Variants in NBAS observed in about 807,000 individuals in gnomAD.
NBAS encodes the protein NBAS subunit of NRZ tethering complex.
In NBAS, 219 loss-of-function variants were observed where a neutral mutation model predicts 302.5. The observed-to-expected ratio is 0.72, with a 90% CI of 0.65 to 0.81. NBAS has a LOEUF of 0.81. Among genes scored for constraint, NBAS ranks in the 30% least tolerant of loss-of-function variants. The pLI, the probability that NBAS is intolerant of heterozygous loss-of-function variation, is 0.00. For synonymous variants in NBAS, 1,118 were observed against 1,021.6 expected, an observed-to-expected ratio of 1.09 and a Z score of -1.80; for missense variants, 2,932 against 2,841.6, an observed-to-expected ratio of 1.03 and a Z score of -0.72.
the NBAS span, among the ~76,000 whole-genome samples, chr2:14,975,393 T>C: frequency 6.6e-6 from 1 of 152,340 alleles, no homozygotes; most frequent in Non-Finnish European, 1.5e-5. Flanking sequence ...AAAGCTTTTG[T>C]TTCAATTCAA....
intron 47 of NBAS, among the ~76,000 whole-genome samples, chr2:15,224,750 G>A (rs1181804129): frequency 6.6e-6 from 1 of 152,182 alleles, no homozygotes; most frequent in East Asian, 1.9e-4. Context: ...AAGGCCACTG[G>A]AGGAAGGGAG....
the NBAS span, among the ~76,000 whole-genome samples, chr2:14,918,076 T>A: frequency 2.0e-5 from 3 of 152,140 alleles, no homozygotes; most frequent in Non-Finnish European, 4.4e-5. Flanking sequence ...TTTGTGAGCT[T>A]GTGAATAAAG....
Position 15,502,432 on chromosome 2 carries a change from A to G in NBAS, c.954+1713T>C, listed in dbSNP as rs188495029. Among the ~76,000 whole-genome samples, 14 of 152,352 alleles carry G rather than the reference A, an allele frequency of 9.2e-5. No individual in the cohort carries two copies. The East Asian group carries it at 9.6e-4, about 10-fold the overall frequency. On this transcript the variant is annotated intron_variant, in intron 11 of 51. Transcript: ENST00000281513. ...TTTCGTCGTTGTGAAAACATCATAC[A>G]TAACAGTGCAGTTACACAAATCTAG... is the stretch of plus-strand genomic sequence containing the variant.
the NBAS span, among the ~76,000 whole-genome samples, chr2:14,857,047 AG>A: frequency 1.0e-3 from 157 of 152,326 alleles, no homozygotes; most frequent in African/African-American, 3.7e-3. Context: ...TAAATTAAAA[AG>A]GTAGTACCAT....
At chr2:15,206,823 C>T (rs1666168897) in intron 48 of NBAS, among the ~76,000 whole-genome samples, 1 of 152,176 alleles carries the variant, frequency 6.6e-6, no homozygotes. Context: ...GGAGCCTTTA[C>T]CTAGATTTCA....
the NBAS span, among the ~76,000 whole-genome samples, chr2:14,962,834 T>C: frequency 6.6e-6 from 1 of 152,114 alleles, no homozygotes; most frequent in Non-Finnish European, 1.5e-5. Context: ...CATAAAAGGC[T>C]TGTAATAAAT....
intron 35 of NBAS, among the ~76,000 whole-genome samples, chr2:15,339,774 T>A (rs577678840): frequency 2.0e-5 from 3 of 152,050 alleles, no homozygotes; most frequent in Non-Finnish European, 4.4e-5. Context: ...AAGATCTCCA[T>A]GAAGTGACAT....
At chr2:15,119,881 T>C in the NBAS span, among the ~76,000 whole-genome samples, 13 of 152,282 alleles carry the variant, frequency 8.5e-5, no homozygotes, top group East Asian at 1.4e-3. Context: ...AAAGTAGGAA[T>C]TGCTGCTCCT....
chr2:14,931,369 AG>A, the NBAS span, among the ~76,000 whole-genome samples: 4 of 152,206 alleles, frequency 2.6e-5, no homozygotes, highest in African/African-American at 9.6e-5. Context: ...TTGAAGGACC[AG>A]GGTAGACAAA....
the NBAS span, among the ~76,000 whole-genome samples, chr2:15,122,457 C>T: frequency 5.3e-5 from 8 of 152,154 alleles, no homozygotes; most frequent in African/African-American, 1.7e-4. Flanking sequence ...AGCAAAAACT[C>T]GCTCATCAGC....
Position 15,402,218 on chromosome 2 carries a change from T to C in NBAS, c.3021A>G (p.Gln1007=), listed in dbSNP as rs1235547292. Residue 1007 remains glutamine (Q), a synonymous_variant, in exon 26 of 52, where the codon CAA becomes CAG. Coordinates refer to ENST00000281513, the MANE Select transcript of NBAS (RefSeq NM_015909.4). ...ECIYTCERND[Q]LCLCYDLLEC... ...CTAGTAGGTCATAGCAAAGACAGAG[T>C]TGATCATTTCGTTCACAGGTATAGA... 6.2e-7 allele frequency: 1 copy of C among 1,613,468 alleles called. No individual in the cohort carries two copies. The highest frequency in any genetic ancestry group is 8.5e-7 in the Non-Finnish European group (1 of 1,179,692).
the NBAS span, among the ~76,000 whole-genome samples, chr2:15,084,307 C>T: frequency 6.6e-6 from 1 of 152,218 alleles, no homozygotes; most frequent in Non-Finnish European, 1.5e-5. Context: ...AAGTGATCAA[C>T]CTGACTCAGC....
At chr2:15,461,414 A>C in intron 20 of NBAS, 77 bp from the exon 21 acceptor site, 2 of 1,504,692 alleles carry the variant, frequency 1.3e-6, no homozygotes, top group South Asian at 2.3e-5. Flanking sequence ...CAACATTCAA[A>C]AACTAACTTT....
chr2:15,382,692 G>A (rs923041606), intron 29 of NBAS, among the ~76,000 whole-genome samples: 1 of 152,180 alleles, frequency 6.6e-6, no homozygotes, highest in African/African-American at 2.4e-5. Flanking sequence ...GAGGGAGCTG[G>A]CATCTTCTAT....
the NBAS span, among the ~76,000 whole-genome samples, chr2:15,096,481 C>A: frequency 6.6e-6 from 1 of 152,194 alleles, no homozygotes; most frequent in African/African-American, 2.4e-5. Flanking sequence ...GAAAACACAG[C>A]AAGACCTTTG....
chr2:14,897,680 A>T, the NBAS span, among the ~76,000 whole-genome samples: 6 of 151,862 alleles, frequency 4.0e-5, no homozygotes, highest in East Asian at 9.7e-4. Flanking sequence ...ATCTCAGCAC[A>T]TCAGCTCCTC....
the NBAS span, among the ~76,000 whole-genome samples, chr2:14,833,192 T>C: frequency 1.3e-5 from 2 of 152,154 alleles, no homozygotes; most frequent in African/African-American, 4.8e-5. Flanking sequence ...CCTCTAGCTC[T>C]CCATCAAAGT....
intron 48 of NBAS, among the ~76,000 whole-genome samples, chr2:15,192,888 T>A (rs999876613): frequency 1.3e-5 from 2 of 152,188 alleles, no homozygotes; most frequent in Non-Finnish European, 2.9e-5. Context: ...CTGTATGTGA[T>A]GCACTGTATG....
the NBAS span, among the ~76,000 whole-genome samples, chr2:14,969,657 G>A: frequency 1.2e-4 from 18 of 152,266 alleles, no homozygotes; most frequent in African/African-American, 3.6e-4. Flanking sequence ...GATTATAGGC[G>A]TGAGCCACCT....
Sources: gnomAD v4.1 joint callset for allele counts (sites outside exome capture counted in the v4.1 genomes callset) on GRCh38, gnomAD v4.1.1 for gene constraint, MANE v1.5 for transcripts, NCBI Gene and HGNC (gene_info 2026-07-23, HGNC 2026-07-21) for gene names.